ZNF395: variants seen among roughly 807,000 people sequenced by gnomAD.
ZNF395 encodes the protein zinc finger protein 395.
ZNF395 carries 20 observed loss-of-function variants against 57.7 expected under a neutral mutation model. The observed-to-expected ratio is 0.35, with a 90% CI of 0.24 to 0.50. ZNF395 has a LOEUF of 0.50. Among genes scored for constraint, ZNF395 ranks in the 20% least tolerant of loss-of-function variants. ZNF395 has a pLI of 0.97. For synonymous variants in ZNF395, 295 were observed against 275.9 expected (o/e 1.07, Z -0.69); for missense variants, 606 against 671.2 (o/e 0.90, Z 1.07).
At chr8:28,348,861 C>T (rs757069729) in intron 9 of ZNF395, 31 bp from the exon 10 acceptor site, 23 of 1,609,340 alleles carry the variant, frequency 1.4e-5, no homozygotes, top group Middle Eastern at 1.7e-4. Context: ...AAATCGAGCC[C>T]CACACAGGTG....
At chr8:28,351,882 G>A in intron 6 of ZNF395, 75 bp from the exon 7 acceptor site, 2 of 1,480,360 alleles carry the variant, frequency 1.4e-6, no homozygotes, top group South Asian at 2.8e-5. Flanking sequence ...GCGGTAGGGA[G>A]GGAAGTGATT....
chr8:28,349,864 G>A (rs749548470), intron 8 of ZNF395, among the ~76,000 whole-genome samples, 200 bp downstream of exon 8: 8 of 152,202 alleles, frequency 5.3e-5, no homozygotes, highest in African/African-American at 1.4e-4. Context: ...TTCCACCTCC[G>A]CGAGGGGCTA....
intron 1 of ZNF395, among the ~76,000 whole-genome samples, chr8:28,383,669 C>T (rs76487377): frequency 0.041 from 6,258 of 152,170 alleles, 203 homozygotes; most frequent in Non-Finnish European, 0.068. Context: ...AGAAGCCCCT[C>T]GGTTCAGGCC....
chr8:28,349,115 G>T lies in ZNF395; in HGVS notation c.1430+10C>A. 6.4e-7 allele frequency: 1 copy of T among 1,564,602 alleles called. No homozygotes were observed. The highest frequency in any genetic ancestry group is 1.2e-5 in the South Asian group (1 of 83,200). ...AACCAGAAGGCAGGGGACGACAGCG[G>T]ACATCTCACCTGGCACCACTCTGGG... is the stretch of plus-strand genomic sequence containing the variant. On this transcript the variant is annotated intron_variant, in intron 9 of 9. Transcript: ENST00000344423.
In ZNF395 at chr8:28,352,001, T is replaced by C. The variant is rs1458440824; in HGVS notation, c.921-194A>G. Among the ~76,000 whole-genome samples, 6 of 152,178 alleles carry C rather than the reference T, an allele frequency of 3.9e-5. No individual in the cohort carries two copies. The highest frequency in any genetic ancestry group is 1.4e-4 in the African/African-American group (6 of 41,436). On this transcript the variant is annotated intron_variant, in intron 6 of 9. Coordinates refer to ENST00000344423, the MANE Select transcript of ZNF395 (RefSeq NM_018660.3). This position sits in a 1 kb window ranked among gnomAD's most constrained non-coding sequence, Gnocchi z 4.0. ...GTGTTGCACATCAACGGGAATTATTTTTCCTGGCACCTAAGGCTCATTCTC... is the reference window on the plus strand; with the variant it reads ...GTGTTGCACATCAACGGGAATTATTCTTCCTGGCACCTAAGGCTCATTCTC...
At chr8:28,361,708 A>G (rs1026028304) in intron 1 of ZNF395, among the ~76,000 whole-genome samples, 18 of 152,158 alleles carry the variant, frequency 1.2e-4, no homozygotes, top group African/African-American at 4.3e-4. Context: ...TCCAGGATAC[A>G]ATATTGCTCG....
At chr8:28,369,283 C>T (rs143180389) in intron 1 of ZNF395, among the ~76,000 whole-genome samples, 4 of 152,158 alleles carry the variant, frequency 2.6e-5, no homozygotes, top group African/African-American at 9.6e-5. Flanking sequence ...AAGGAGAAAA[C>T]TGGTTTGGAA....
intron 1 of ZNF395, among the ~76,000 whole-genome samples, chr8:28,381,594 A>G (rs1443053200): frequency 6.6e-6 from 1 of 152,188 alleles, no homozygotes; most frequent in Non-Finnish European, 1.5e-5. Flanking sequence ...TGGGTGGTAA[A>G]TCAGACTATT....
In ZNF395 at chr8:28,352,493, G is replaced by T; in HGVS notation, c.920+80C>A. 1 of 1,277,312 alleles carries T rather than the reference G, an allele frequency of 7.8e-7. No homozygotes were observed. The highest frequency in any genetic ancestry group is 1.1e-6 in the Non-Finnish European group (1 of 888,230). The allele number at this position is 1,277,312 out of a possible 1,614,324, so 79.1% of individuals were successfully genotyped here. ...AGCCACGTTCCTGAAAGCACTGTGG[G>T]CTGTGGGTCACAGGGACTCGGCAGG... On this transcript the variant is annotated intron_variant, in intron 6 of 9. Coordinates refer to ENST00000344423, the MANE Select transcript of ZNF395 (RefSeq NM_018660.3). This position sits in a 1 kb window ranked among gnomAD's most constrained non-coding sequence, Gnocchi z 4.0.
intron 1 of ZNF395, chr8:28,385,054 G>A (rs893754386): frequency 6.6e-6 from 1 of 152,292 alleles, no homozygotes; most frequent in African/African-American, 2.4e-5. Context: ...TGTCAAGAAG[G>A]CCTTAGATAC....
chr8:28,385,164 G>A (rs1291761929), intron 1 of ZNF395: 1 of 152,302 alleles, frequency 6.6e-6, no homozygotes, highest in Non-Finnish European at 1.5e-5. Flanking sequence ...CCCCGCGCCT[G>A]GTAGCCTGGC....
In ZNF395 at chr8:28,356,623, G is replaced by A. The variant is rs370490939; in HGVS notation, c.583+47C>T. ...CTGCTCTGCACAGAGGATGTTTGTC[G>A]TGGGCCTCTACCATGCCCAGAACCC... On this transcript the variant is annotated intron_variant, in intron 4 of 9. Coordinates refer to ENST00000344423, the MANE Select transcript of ZNF395 (RefSeq NM_018660.3). The surrounding 1 kb of genome is among the most constrained non-coding windows in gnomAD (Gnocchi z 4.0). 394 of 1,433,076 alleles carry A rather than the reference G, an allele frequency of 2.7e-4. 1 individual carries two copies. The highest frequency in any genetic ancestry group is 3.5e-4 in the Non-Finnish European group (356 of 1,022,922). 88.8% of individuals were successfully genotyped at this position (1,433,076 alleles called of 1,614,324 possible). A position where few individuals can be genotyped will look rare whatever the true frequency, so the allele number is the denominator to read the frequency against.
At chr8:28,379,666 G>A (rs1368528588) in intron 1 of ZNF395, among the ~76,000 whole-genome samples, 1 of 152,032 alleles carries the variant, frequency 6.6e-6, no homozygotes, top group Non-Finnish European at 1.5e-5. Context: ...GTCTTCCACT[G>A]TGACTCTAGT....
intron 1 of ZNF395, among the ~76,000 whole-genome samples, chr8:28,363,110 G>C (rs760424978): frequency 6.6e-6 from 1 of 151,012 alleles, no homozygotes; most frequent in Non-Finnish European, 1.5e-5. Flanking sequence ...AAGCTAAATT[G>C]GTTGTTTTTT....
chr8:28,362,121 T>C (rs1585856999), intron 1 of ZNF395, among the ~76,000 whole-genome samples: 1 of 149,120 alleles, frequency 6.7e-6, no homozygotes, highest in Admixed American at 6.7e-5. Flanking sequence ...AAAAAAGAAA[T>C]GAACCAGGTT....
chr8:28,348,876 G>A (rs1801641849), intron 9 of ZNF395, 46 bp from the exon 10 acceptor site: 1 of 1,594,294 alleles, frequency 6.3e-7, no homozygotes, highest in African/African-American at 1.3e-5. Context: ...CAGGTGGTGG[G>A]CCCAGGAGAG....
At chr8:28,349,249 T>C (rs775708429) in intron 8 of ZNF395, 21 bp from the exon 9 acceptor site, 7 of 1,514,116 alleles carry the variant, frequency 4.6e-6, no homozygotes, top group Admixed American at 4.5e-5. Context: ...GGAGAGGGGC[T>C]GTGAGCACAG....
intron 1 of ZNF395, among the ~76,000 whole-genome samples, chr8:28,371,171 G>C (rs1801971375): frequency 6.6e-6 from 1 of 152,174 alleles, no homozygotes; most frequent in African/African-American, 2.4e-5. Context: ...AAATGTGTCT[G>C]ATTTCAAAAG....
In ZNF395 at chr8:28,359,862, G is replaced by C. The variant is rs939984770; in HGVS notation, c.241-38C>G. 9 of 1,593,902 alleles carry C rather than the reference G, an allele frequency of 5.6e-6. No homozygotes were observed. Among genetic ancestry groups the C allele is most frequent in the Non-Finnish European group, 7.7e-6 (9 of 1,165,762 alleles). ...GGACAGCAGTTAGTGGTCAGCCCTG[G>C]ATGGGTCTCGCCCTGAAGTTCTCAT... On this transcript the variant is annotated intron_variant, in intron 2 of 9. Coordinates refer to ENST00000344423, the MANE Select transcript of ZNF395 (RefSeq NM_018660.3). The surrounding 1 kb of genome is among the most constrained non-coding windows in gnomAD (Gnocchi z 4.7).
Sources: gnomAD v4.1 joint callset for allele counts (sites outside exome capture counted in the v4.1 genomes callset) on GRCh38, gnomAD v4.1.1 for gene constraint, Gnocchi (gnomAD v3.1) non-coding constraint, MANE v1.5 for transcripts, NCBI Gene and HGNC (gene_info 2026-07-23, HGNC 2026-07-21) for gene names.